SOD2: variants seen among roughly 807,000 people sequenced by gnomAD.
SOD2 encodes superoxide dismutase 2.
A neutral mutation model predicts 27.0 loss-of-function variants in SOD2; 11 were observed. The ratio of observed to expected loss-of-function variants is 0.41; its 90% confidence interval spans 0.26 to 0.67. The LOEUF (loss-of-function observed/expected upper bound fraction) is 0.67. Among genes scored for constraint, SOD2 ranks in the 30% least tolerant of loss-of-function variants. The pLI is 0.34. For missense variants in SOD2, 250 were observed against 274.5 expected, an observed-to-expected ratio of 0.91 and a Z score of 0.63; for synonymous variants, 105 against 103.0, an observed-to-expected ratio of 1.02 and a Z score of -0.12.
chr6:159,723,717 T>A (rs1477346271), intron 1 of SOD2, among the ~76,000 whole-genome samples: 1 of 152,118 alleles, frequency 6.6e-6, no homozygotes, highest in Admixed American at 6.5e-5. Context: ...GTCACCCTAG[T>A]GCTTCTAGGC....
intron 1 of SOD2, chr6:159,739,090 T>C: frequency 6.8e-7 from 1 of 1,468,588 alleles, no homozygotes; most frequent in Non-Finnish European, 9.5e-7. Flanking sequence ...TATAGAACAT[T>C]ATATTGTGAC....
intron 3 of SOD2, among the ~76,000 whole-genome samples, 186 bp from the exon 4 acceptor site, chr6:159,685,219 C>CTTTTTTTTTTTTTTTTTATTT (rs1780130759): frequency 1.4e-5 from 1 of 73,912 alleles, no homozygotes; most frequent in Non-Finnish European, 2.4e-5. Context: ...ATAACTTCAA[C>CTTTTTTTTTTTTTTTTTATTT]TTTTTTTTTT....
intron 1 of SOD2, chr6:159,713,383 T>C (rs758362003): frequency 3.1e-6 from 2 of 652,566 alleles, no homozygotes; most frequent in Non-Finnish European, 5.6e-6. Context: ...ACCTGGCCAC[T>C]GCACAGCCAT....
intron 2 of SOD2, among the ~76,000 whole-genome samples, chr6:159,689,731 G>A (rs549508494): frequency 1.3e-5 from 2 of 152,190 alleles, no homozygotes; most frequent in South Asian, 2.1e-4. Context: ...AAGCCGAGGC[G>A]GGCAGCTCTC....
intron 1 of SOD2, among the ~76,000 whole-genome samples, chr6:159,751,960 G>GT (rs1779835938): frequency 6.6e-6 from 1 of 151,754 alleles, no homozygotes; most frequent in Admixed American, 6.6e-5. Context: ...TACTCCGGAG[G>GT]CTGAGGTGGG....
chr6:159,693,096 G>A, intron 1 of SOD2, 49 bp downstream of exon 1: 1 of 1,517,878 alleles, frequency 6.6e-7, no homozygotes, highest in Non-Finnish European at 8.8e-7. Context: ...CCTGCCCGCC[G>A]CGAGCCCCTT....
chr6:159,740,962 A>G (rs1779223038), intron 1 of SOD2, among the ~76,000 whole-genome samples: 1 of 152,164 alleles, frequency 6.6e-6, no homozygotes, highest in Non-Finnish European at 1.5e-5. Context: ...TCGGCCTCCC[A>G]AAGTGCTGGG....
chr6:159,673,794 T>C lies in SOD2; in HGVS notation c.*8699A>G, dbSNP rs1002629147. On this transcript the variant is annotated 3_prime_UTR_variant, in exon 5 of 5. Coordinates refer to ENST00000538183, the MANE Select transcript of SOD2 (RefSeq NM_000636.4). ...GAGACACAAAAAAACCTTCAAAAAATGAATGAATCCAGGAGCTGGTTTTTT... is the reference window on the plus strand; with the variant it reads ...GAGACACAAAAAAACCTTCAAAAAACGAATGAATCCAGGAGCTGGTTTTTT... 2.0e-5 allele frequency: 3 copies of C among 152,012 alleles called. No individual in the cohort carries two copies. The highest frequency in any genetic ancestry group is 2.0e-4 in the Admixed American group (3 of 15,250). 9.4% of individuals were successfully genotyped at this position (152,012 alleles called of 1,614,324 possible).
At chr6:159,727,093 C>A in intron 1 of SOD2, 1 of 1,194,678 alleles carries the variant, frequency 8.4e-7, no homozygotes, top group Non-Finnish European at 1.1e-6. Context: ...CCTCCGACCT[C>A]GCTGGCCCGC....
intron 1 of SOD2, among the ~76,000 whole-genome samples, chr6:159,706,960 A>G (rs1777639152): frequency 6.6e-6 from 1 of 152,248 alleles, no homozygotes; most frequent in South Asian, 2.1e-4. Flanking sequence ...CAGGATTAAG[A>G]AACTCACTCA....
intron 1 of SOD2, among the ~76,000 whole-genome samples, chr6:159,720,847 CTTTTTT>C (rs763455003): frequency 0.016 from 957 of 59,876 alleles, 15 homozygotes; most frequent in African/African-American, 0.057. Flanking sequence ...TTTTCTTTAC[CTTTTTT>C]TTTTTTTTTT....
upstream of SOD2, among the ~76,000 whole-genome samples, chr6:159,731,661 C>T (rs996170086): frequency 3.9e-5 from 6 of 152,078 alleles, no homozygotes; most frequent in African/African-American, 1.4e-4. Flanking sequence ...GGAGAAGAAA[C>T]TATTAATTAA....
chr6:159,726,208 G>A (rs533157651), intron 1 of SOD2: 1 of 152,492 alleles, frequency 6.6e-6, no homozygotes, highest in Non-Finnish European at 1.5e-5. Context: ...TATTTCCATT[G>A]TAAGTGAGGT....
intron 1 of SOD2, chr6:159,713,905 C>T: frequency 1.1e-6 from 1 of 907,648 alleles, no homozygotes; most frequent in East Asian, 2.4e-5. Flanking sequence ...CAGAGAAGTG[C>T]ATCACTTCAT....
At chr6:159,728,094 G>GA (rs1268979657), upstream of SOD2, among the ~76,000 whole-genome samples, 5 of 152,274 alleles carry the variant, frequency 3.3e-5, no homozygotes, top group South Asian at 1.0e-3. Flanking sequence ...GTTCAGCAAG[G>GA]AAAAAAAGAA....
rs113133530 is a variant in SOD2, at chr6:159,726,949, A to G, written c.-116+180T>C. On this transcript the variant is annotated intron_variant, in intron 1 of 2. Coordinates refer to the SOD2 transcript ENST00000401980. ...CCTCCGACACGCGGAAGCATCACGG[A>G]TGAGCGTCACGAACACAGAGCGGCC... 7.0e-6 allele frequency: 9 copies of G among 1,287,948 alleles called. No individual in the cohort carries two copies. The South Asian group carries it at 1.1e-4, about 16-fold the overall frequency. 79.8% of individuals were successfully genotyped at this position (1,287,948 alleles called of 1,614,324 possible).
In SOD2 at chr6:159,669,767, G is replaced by C. The variant is rs993293459; in HGVS notation, c.*12726C>G. 5.3e-5 allele frequency: 8 copies of C among 152,050 alleles called. No homozygotes were observed. The highest frequency in any genetic ancestry group is 1.9e-4 in the East Asian group (1 of 5,192). The allele number at this position is 152,050 out of a possible 1,614,324, so 9.4% of individuals were successfully genotyped here. ...GTCTATTTTATCTCATGTAAGTATA[G>C]TTATTTCTGCTCTTTTTTGGCTTCC... is the stretch of plus-strand genomic sequence containing the variant. On this transcript the variant is annotated 3_prime_UTR_variant, in exon 5 of 5. Coordinates refer to ENST00000538183, the MANE Select transcript of SOD2 (RefSeq NM_000636.4).
chr6:159,756,331 G>A (rs943492954), intron 1 of SOD2: 1 of 152,362 alleles, frequency 6.6e-6, no homozygotes, highest in Non-Finnish European at 1.5e-5. Flanking sequence ...TAGCTTTTTT[G>A]TTTTGTTTTG....
upstream of SOD2, among the ~76,000 whole-genome samples, chr6:159,696,987 T>C (rs1350858498): frequency 6.6e-6 from 1 of 151,042 alleles, no homozygotes; most frequent in Admixed American, 6.6e-5. Flanking sequence ...TGCAATGAGC[T>C]ATGATTATGT....
Sources: gnomAD v4.1 joint callset for allele counts (sites outside exome capture counted in the v4.1 genomes callset) on GRCh38, gnomAD v4.1.1 for gene constraint, MANE v1.5 for transcripts, NCBI Gene and HGNC (gene_info 2026-07-23, HGNC 2026-07-21) for gene names.